EML1: variants seen among roughly 807,000 people sequenced by gnomAD.
EML1 encodes echinoderm microtubule-associated protein-like 1.
A neutral mutation model predicts 110.4 loss-of-function variants in EML1; 27 were observed. The ratio of observed to expected loss-of-function variants is 0.24; its 90% CI spans 0.18 to 0.34. EML1 has a LOEUF of 0.34. Among genes scored for constraint, EML1 ranks in the 10% least tolerant of loss-of-function variants. The pLI is 1.00. For missense variants in EML1, 741 were observed against 1,030.9 expected, an observed-to-expected ratio of 0.72 and a Z score of 3.85; for synonymous variants, 344 against 385.8, an observed-to-expected ratio of 0.89 and a Z score of 1.27.
Position 99,783,483 on chromosome 14 carries a change from TA to T in EML1, c.-27+9471del, listed in dbSNP as rs1162105322. 8.2e-4 allele frequency among the ~76,000 whole-genome samples: 67 copies of T among 81,570 alleles called. No homozygotes were observed. The South Asian group carries it at 0.024, about 29-fold the overall frequency. The allele number at this position is 81,570 out of a possible 152,430, so 53.5% of individuals were successfully genotyped here. A position where few individuals can be genotyped will look rare whatever the true frequency, so the allele number is the denominator to read the frequency against. Reference sequence around the variant, plus strand: ...AGAATACTTTCCAGAGTTAAAGGGGTACTTTTTTTTTTTTTTTTTGAGACAG... The same window carrying T: ...AGAATACTTTCCAGAGTTAAAGGGGTCTTTTTTTTTTTTTTTTTGAGACAG... On this transcript the variant is annotated intron_variant, in intron 1 of 22. Coordinates refer to the EML1 transcript ENST00000327921.
chr14:99,865,204 G>A (rs1342772759), intron 2 of EML1, among the ~76,000 whole-genome samples: 2 of 152,190 alleles, frequency 1.3e-5, no homozygotes, highest in African/African-American at 4.8e-5. Context: ...GTTGATGGGA[G>A]ACAGCGACAG....
intron 1 of EML1, among the ~76,000 whole-genome samples, chr14:99,818,586 T>C (rs2058209151): frequency 6.6e-6 from 1 of 152,168 alleles, no homozygotes; most frequent in African/African-American, 2.4e-5. Context: ...ATGTATCATA[T>C]TCACACACAC....
intron 1 of EML1, among the ~76,000 whole-genome samples, chr14:99,776,146 C>A (rs1177204973): frequency 1.3e-5 from 2 of 152,160 alleles, no homozygotes; most frequent in Non-Finnish European, 2.9e-5. Flanking sequence ...CTCCTCAGAG[C>A]CCTTACAGAT....
In EML1 at chr14:99,891,204, C is replaced by G. The variant is rs768636587; in HGVS notation, c.524C>G (p.Pro175Arg). The change falls in exon 5 of 22, where the codon CCC becomes CGC. Residue 175 changes from proline (P) to arginine (R), a missense_variant. By Grantham distance (103) the Pro-to-Arg change is moderately radical. Around this residue, in one of 4 missense-constraint regions of EML1, gnomAD observed 226 missense variants for 255.6 expected, o/e 0.88. Coordinates refer to ENST00000262233, the MANE Select transcript of EML1 (RefSeq NM_004434.3). Reference sequence around the variant, plus strand: ...TTTTTCGTTTATTTTCACAGCAAACCCAAGGAGCCTGTATTCAGTGCAGGT... The same window carrying G: ...TTTTTCGTTTATTTTCACAGCAAACGCAAGGAGCCTGTATTCAGTGCAGGT... ...SSGKKNSESKPKEPVFSAEEG... is the reference protein window; with the variant it reads ...SSGKKNSESKRKEPVFSAEEG... 1.2e-6 allele frequency: 2 copies of G among 1,614,106 alleles called. No individual in the cohort carries two copies. Among genetic ancestry groups the G allele is most frequent in the East Asian group, 2.2e-5 (1 of 44,892 alleles).
At chr14:99,823,062 C>T (rs935296116) in intron 1 of EML1, among the ~76,000 whole-genome samples, 49 of 152,284 alleles carry the variant, frequency 3.2e-4, no homozygotes, top group Admixed American at 1.6e-3. Context: ...AGAGCCATCT[C>T]CTCCGGGAAG....
chr14:99,875,240 G>GA (rs2059270248), intron 3 of EML1, among the ~76,000 whole-genome samples: 1 of 152,208 alleles, frequency 6.6e-6, no homozygotes, highest in Non-Finnish European at 1.5e-5. Flanking sequence ...ACACAGGGTT[G>GA]AAGTCACCAG....
chr14:99,852,111 A>G (rs539611985), intron 2 of EML1, among the ~76,000 whole-genome samples: 100 of 152,344 alleles, frequency 6.6e-4, no homozygotes, highest in South Asian at 5.2e-3. Flanking sequence ...GAATTAGACA[A>G]TTAGACAATG....
chr14:99,785,945 G>A (rs964563674), intron 1 of EML1, among the ~76,000 whole-genome samples: 4 of 151,610 alleles, frequency 2.6e-5, no homozygotes, highest in Non-Finnish European at 4.4e-5. Context: ...CTCCCGCAGC[G>A]CTAACCTGAT....
At chr14:99,765,083 G>C (rs58291861) in intron 1 of EML1, among the ~76,000 whole-genome samples, 1 of 152,004 alleles carries the variant, frequency 6.6e-6, no homozygotes. Flanking sequence ...GACCACAGGC[G>C]AATGCCACCA....
At chr14:99,778,830 T>C (rs2057510182) in intron 1 of EML1, among the ~76,000 whole-genome samples, 2 of 152,264 alleles carry the variant, frequency 1.3e-5, no homozygotes. Flanking sequence ...CTATCATTAC[T>C]GTTTAGAAAT....
chr14:99,921,257 CCTTTTTATGG>C (rs1258114643), intron 17 of EML1, among the ~76,000 whole-genome samples: 1 of 143,468 alleles, frequency 7.0e-6, no homozygotes, highest in East Asian at 1.9e-4. Context: ...TGGTCTTGTT[CCTTTTTATGG>C]CTGCATATTA....
At chr14:99,812,835 G>A (rs2058104698) in intron 1 of EML1, among the ~76,000 whole-genome samples, 2 of 152,158 alleles carry the variant, frequency 1.3e-5, no homozygotes, top group Non-Finnish European at 2.9e-5. Context: ...TTCTTTAGCT[G>A]AACATTCTTA....
At chr14:99,922,302 G>C (rs951103066) in intron 17 of EML1, among the ~76,000 whole-genome samples, 1 of 152,058 alleles carries the variant, frequency 6.6e-6, no homozygotes, top group Non-Finnish European at 1.5e-5. Flanking sequence ...TTTTAGTAGT[G>C]ATGGGATTTC....
intron 1 of EML1, among the ~76,000 whole-genome samples, chr14:99,748,792 C>T (rs1043022757): frequency 6.6e-6 from 1 of 152,212 alleles, no homozygotes; most frequent in African/African-American, 2.4e-5. Flanking sequence ...ACGGAAAAAT[C>T]CAATACCCAT....
chr14:99,908,898 G>C (rs956945431), intron 10 of EML1, among the ~76,000 whole-genome samples: 2 of 152,178 alleles, frequency 1.3e-5, no homozygotes, highest in Admixed American at 6.5e-5. Context: ...TACCAGATAG[G>C]GGGTGAGGCC....
At chr14:99,795,973 G>C (rs2057763057) in intron 1 of EML1, among the ~76,000 whole-genome samples, 1 of 152,244 alleles carries the variant, frequency 6.6e-6, no homozygotes, top group African/African-American at 2.4e-5. Context: ...ATTACTTGCA[G>C]CCAAGAGTTT....
intron 1 of EML1, among the ~76,000 whole-genome samples, chr14:99,757,130 G>A (rs116765147): frequency 0.016 from 2,366 of 152,240 alleles, 68 homozygotes; most frequent in African/African-American, 0.054. Flanking sequence ...ACCTAAGGTC[G>A]GCAGTTCGAG....
intron 1 of EML1, chr14:99,737,973 C>G (rs966530197): frequency 1.8e-6 from 2 of 1,111,712 alleles, no homozygotes; most frequent in Non-Finnish European, 2.3e-6. Context: ...AGCTGGACCC[C>G]CTTCCTCCTT....
chr14:99,823,081 G>A (rs1201157369), intron 1 of EML1, among the ~76,000 whole-genome samples: 1 of 152,172 alleles, frequency 6.6e-6, no homozygotes, highest in African/African-American at 2.4e-5. Context: ...AGAAGACCCA[G>A]CCCCCTGTGC....
Sources: allele counts gnomAD v4.1 joint callset (sites outside exome capture counted in the v4.1 genomes callset), GRCh38; gene constraint gnomAD v4.1.1; regional missense constraint gnomAD v4.1.1; transcripts MANE v1.5; gene names NCBI Gene and HGNC (gene_info 2026-07-23, HGNC 2026-07-21).